ENPP3: variants seen among roughly 807,000 people sequenced by gnomAD.
ENPP3 encodes ectonucleotide pyrophosphatase/phosphodiesterase family member 3.
A neutral mutation model predicts 117.8 loss-of-function variants in ENPP3; 104 were observed. That is an observed-to-expected ratio of 0.88 (90% CI 0.75 to 1.04). The LOEUF (loss-of-function observed/expected upper bound fraction) is 1.04, where lower values mean the gene tolerates loss of function less well. Ranked by LOEUF, ENPP3 falls within the 50% of genes least tolerant of loss-of-function variation. The probability of loss-of-function intolerance (pLI) is 0.00; values close to 1 mark genes in which losing one functional copy is unlikely to be tolerated. For missense variants in ENPP3, 1,026 were observed against 1,051.9 expected (o/e 0.98, Z 0.34); for synonymous variants, 380 against 349.9 (o/e 1.09, Z -0.96).
chr6:131,675,048 C>T (rs1190402983), intron 8 of ENPP3, 32 bp from the exon 9 acceptor site: 5 of 1,322,968 alleles, frequency 3.8e-6, no homozygotes, highest in Non-Finnish European at 5.5e-6. Context: ...AAAGTAATTA[C>T]TGACTTTCGC....
chr6:131,720,505 A>C, intron 17 of ENPP3, 126 bp downstream of exon 17: 4 of 519,708 alleles, frequency 7.7e-6, no homozygotes, highest in East Asian at 3.1e-5. Context: ...AAAGTAAAAA[A>C]GATAAGGAAG....
At position 131,746,899 on chromosome 6, in the gene ENPP3, T is replaced by G; in HGVS notation, c.2571T>G (p.Pro857=). The stretch of plus-strand genomic sequence containing the variant: ...ACTTCTATCAGGATAAAGTGCAGCC[T>G]GTCTCTGAAATTTTGCAACTAAAGA... ...GLDFYQDKVQ[P]VSEILQLKTY... The change falls in exon 25 of 25, where the codon CCT becomes CCG. Residue 857 remains proline, a synonymous_variant. Transcript: ENST00000357639. 6.2e-7 allele frequency: 1 copy of G among 1,611,946 alleles called. No homozygotes were observed. The highest frequency in any genetic ancestry group is 8.5e-7 in the Non-Finnish European group (1 of 1,178,836).
intron 15 of ENPP3, among the ~76,000 whole-genome samples, chr6:131,707,019 C>T (rs1389253127): frequency 6.6e-6 from 1 of 151,246 alleles, no homozygotes; most frequent in Non-Finnish European, 1.5e-5. Context: ...TTGGTGTTAA[C>T]TTTTTAAAAA....
intron 2 of ENPP3, among the ~76,000 whole-genome samples, chr6:131,645,359 A>G (rs764386811): frequency 1.1e-4 from 16 of 152,186 alleles, no homozygotes; most frequent in Non-Finnish European, 2.2e-4. Flanking sequence ...GCCATTATTC[A>G]GCTCTCTAAT....
In ENPP3 at chr6:131,683,143, C is replaced by T. The variant is rs777712519; in HGVS notation, c.1101C>T (p.Ile367=). The T allele has an allele frequency of 6.9e-6, 11 of 1,599,772 alleles. No individual in the cohort carries two copies. The highest frequency in any genetic ancestry group is 9.4e-6 in the Non-Finnish European group (11 of 1,167,988). The part of the protein sequence containing the change: ...KQRNLHNCVN[I]ILLADHGMDQ... ...GGAATTTGCACAACTGTGTCAATAT[C>T]ATCCTTCTGGCTGACCATGGTATGC... Residue 367 remains isoleucine (I), a synonymous_variant, in exon 12 of 25, where the codon ATC becomes ATT. Transcript: ENST00000357639.
At chr6:131,656,602 C>A (rs1259816939) in intron 5 of ENPP3, among the ~76,000 whole-genome samples, 1 of 151,970 alleles carries the variant, frequency 6.6e-6, no homozygotes, top group Non-Finnish European at 1.5e-5. Flanking sequence ...CCCGTCTCTA[C>A]TAAAAATACA....
chr6:131,688,529 T>C (rs1434894433), intron 14 of ENPP3, among the ~76,000 whole-genome samples: 2 of 152,194 alleles, frequency 1.3e-5, no homozygotes, highest in South Asian at 2.1e-4. Flanking sequence ...AGAAGTGCTA[T>C]TCTAGTGAAT....
Position 131,675,479 on chromosome 6 carries a change from T to C in ENPP3, c.872+290T>C, listed in dbSNP as rs149559875. On this transcript the variant is annotated intron_variant, in intron 9 of 24. Coordinates refer to ENST00000357639, the MANE Select transcript of ENPP3 (RefSeq NM_005021.5). ...CTGCAGTTGCCTCTTTACTCATCTC[T>C]GCTTCTTATCCTTTATAATCTAGTC... 55 of 277,336 alleles carry C rather than the reference T, an allele frequency of 2.0e-4. No individual in the cohort carries two copies. In the East Asian group the frequency reaches 4.6e-3, roughly 23 times the overall value. 17.2% of individuals were successfully genotyped at this position (277,336 alleles called of 1,614,324 possible). A position where few individuals can be genotyped will look rare whatever the true frequency, so the allele number is the denominator to read the frequency against.
At chr6:131,730,046 T>G (rs901114386) in intron 20 of ENPP3, among the ~76,000 whole-genome samples, 1 of 152,194 alleles carries the variant, frequency 6.6e-6, no homozygotes, top group African/African-American at 2.4e-5. Context: ...TTTTTATAAT[T>G]TTAACTGTTA....
chr6:131,724,305 G>A (rs1371634418), intron 19 of ENPP3, among the ~76,000 whole-genome samples: 4 of 150,462 alleles, frequency 2.7e-5, no homozygotes, highest in African/African-American at 7.4e-5. Flanking sequence ...GGAACAAAAC[G>A]AATTCCTTGA....
rs761054833 is a variant in ENPP3 at position 131,726,167 on chromosome 6, G to A, written c.1920G>A (p.Met640Ile). Reference sequence around the variant, plus strand: ...GTGGATTTGGAAAAGCTATGAGGATGCCCATGTGGAGTTCATACACAGTCC... The same window carrying A: ...GTGGATTTGGAAAAGCTATGAGGATACCCATGTGGAGTTCATACACAGTCC... ...YVSGFGKAMR[M>I]PMWSSYTVPQ... The change falls in exon 20 of 25, where the codon ATG becomes ATA. Residue 640 changes from methionine (M) to isoleucine (I), a missense_variant. Transcript: ENST00000357639. The A allele has an allele frequency of 6.2e-7, 1 of 1,613,988 alleles. No homozygotes were observed. Among genetic ancestry groups the A allele is most frequent in the South Asian group, 1.1e-5 (1 of 91,070 alleles).
At position 131,685,441 on chromosome 6, in the gene ENPP3, G is replaced by T. The variant is rs141972191; in HGVS notation, c.1198G>T (p.Glu400Ter). The T allele has an allele frequency of 6.2e-7, 1 of 1,613,748 alleles. No homozygotes were observed. Among genetic ancestry groups the T allele is most frequent in the East Asian group, 2.2e-5 (1 of 44,856 alleles). Residue 400 changes from glutamate to a stop codon, truncating the protein, a stop_gained, in exon 13 of 25, where the codon GAA becomes TAA. Coordinates refer to ENST00000357639, the MANE Select transcript of ENPP3 (RefSeq NM_005021.5). LOFTEE classifies it high-confidence loss of function. ...CAGAATAAACTTCTTCTACATGTACGAAGGGCCTGCCCCCCGCATCCGAGC... is the reference window on the plus strand; with the variant it reads ...CAGAATAAACTTCTTCTACATGTACTAAGGGCCTGCCCCCCGCATCCGAGC... Reference protein sequence around the residue: ...FPRINFFYMYEGPAPRIRAHN... With the variant: ...FPRINFFYMY
intron 6 of ENPP3, among the ~76,000 whole-genome samples, chr6:131,661,566 A>G (rs1778500754): frequency 6.6e-6 from 1 of 152,108 alleles, no homozygotes; most frequent in Admixed American, 6.5e-5. Context: ...TGCTGATTAC[A>G]GGTGTGAGCC....
chr6:131,692,449 A>G (rs1166349606), intron 14 of ENPP3, among the ~76,000 whole-genome samples: 1 of 151,940 alleles, frequency 6.6e-6, no homozygotes, highest in Non-Finnish European at 1.5e-5. Flanking sequence ...TTGATCGGAA[A>G]ACTAAGCAAA....
chr6:131,676,616 G>T (rs1281081380), intron 9 of ENPP3, 120 bp from the exon 10 acceptor site: 1 of 665,174 alleles, frequency 1.5e-6, no homozygotes, highest in South Asian at 1.9e-5. Flanking sequence ...TTCCAGTATT[G>T]TGATTATATA....
chr6:131,727,612 G>A (rs1224655230), intron 20 of ENPP3, among the ~76,000 whole-genome samples: 1 of 148,696 alleles, frequency 6.7e-6, no homozygotes, highest in African/African-American at 2.5e-5. Context: ...CCTAAAGTCA[G>A]TCCAAACACT....
intron 5 of ENPP3, among the ~76,000 whole-genome samples, chr6:131,654,663 G>A (rs370425125): frequency 7.9e-5 from 12 of 151,852 alleles, no homozygotes; most frequent in African/African-American, 1.5e-4. Flanking sequence ...GGCTGGTCTC[G>A]AACTTCTGGG....
At chr6:131,694,350 A>G (rs757709803) in intron 15 of ENPP3, among the ~76,000 whole-genome samples, 26 of 152,214 alleles carry the variant, frequency 1.7e-4, no homozygotes, top group Non-Finnish European at 2.6e-4. Context: ...TGTAGTGGAG[A>G]AAACTGAAAA....
intron 15 of ENPP3, among the ~76,000 whole-genome samples, chr6:131,701,827 A>G (rs1779539158): frequency 6.6e-6 from 1 of 150,538 alleles, no homozygotes; most frequent in African/African-American, 2.5e-5. Flanking sequence ...GCTTGCAGTG[A>G]GCCGAGATCG....
Sources: gnomAD v4.1 joint callset for allele counts (sites outside exome capture counted in the v4.1 genomes callset) on GRCh38, gnomAD v4.1.1 for gene constraint, MANE v1.5 for transcripts, NCBI Gene and HGNC (gene_info 2026-07-23, HGNC 2026-07-21) for gene names.